The following DNTT variants were observed in gnomAD, a reference collection of about 807,000 sequenced individuals.
DNTT encodes nucleosidetriphosphate:DNA deoxynucleotidylexotransferase.
DNTT carries 47 observed loss-of-function variants against 60.9 expected under a neutral mutation model. That is an observed-to-expected ratio of 0.77 (90% confidence interval 0.61 to 0.98). The LOEUF (loss-of-function observed/expected upper bound fraction) is 0.98, where lower values mean the gene tolerates loss of function less well. Ranked by LOEUF, DNTT falls within the 50% of genes least tolerant of loss-of-function variation. DNTT has a pLI of 0.00. For missense variants in DNTT, 665 were observed against 627.5 expected, an observed-to-expected ratio of 1.06 and a Z score of -0.64; for synonymous variants, 224 against 221.2, an observed-to-expected ratio of 1.01 and a Z score of -0.11.
chr10:96,331,557 C>A (rs147882884), intron 8 of DNTT, among the ~76,000 whole-genome samples: 1 of 152,024 alleles, frequency 6.6e-6, no homozygotes, highest in East Asian at 1.9e-4. Context: ...CCAGCTTTCA[C>A]GGGAGCTAAC....
At chr10:96,326,071 C>A (rs985314965) in intron 6 of DNTT, among the ~76,000 whole-genome samples, 1 of 152,184 alleles carries the variant, frequency 6.6e-6, no homozygotes, top group Non-Finnish European at 1.5e-5. Context: ...AACAAATCAT[C>A]ATAGTCTTAC....
chr10:96,329,737 CAGA>C (rs1454798449), intron 8 of DNTT, among the ~76,000 whole-genome samples: 2 of 152,178 alleles, frequency 1.3e-5, no homozygotes, highest in East Asian at 3.8e-4. Flanking sequence ...CGAGTCTTCC[CAGA>C]AGGAGTTGGA....
rs1257167657 is a variant in DNTT at position 96,304,720 on chromosome 10, G to C, written c.203+20G>C. The C allele has an allele frequency of 4.4e-6, 7 of 1,609,014 alleles. No homozygotes were observed. The Admixed American group carries it at 5.0e-5, about 12-fold the overall frequency. Reference sequence around the variant, plus strand: ...GCTCAGGTAGGACAGCATCGATCTTGCTTTGTAAATAAGCAGAGGCTTTGT... The same window carrying C: ...GCTCAGGTAGGACAGCATCGATCTTCCTTTGTAAATAAGCAGAGGCTTTGT... On this transcript the variant is annotated intron_variant, in intron 1 of 10. Transcript: ENST00000371174.
chr10:96,307,423 C>T (rs1844652899), intron 1 of DNTT, among the ~76,000 whole-genome samples: 1 of 138,068 alleles, frequency 7.2e-6, no homozygotes, highest in African/African-American at 2.7e-5. Flanking sequence ...GGCACGATCT[C>T]GGCTCACTGC....
At chr10:96,317,042 A>G (rs1844794964) in intron 1 of DNTT, among the ~76,000 whole-genome samples, 1 of 152,176 alleles carries the variant, frequency 6.6e-6, no homozygotes, top group African/African-American at 2.4e-5. Context: ...AAATATTGCT[A>G]TGTTTTCTCT....
intron 9 of DNTT, 35 bp downstream of exon 9, chr10:96,332,631 C>T (rs1355641515): frequency 1.2e-6 from 2 of 1,603,742 alleles, no homozygotes; most frequent in Admixed American, 1.7e-5. Context: ...ATGATGTTAG[C>T]TTTCTGAAAG....
chr10:96,306,279 A>T (rs1303305388), intron 1 of DNTT, among the ~76,000 whole-genome samples: 1 of 152,046 alleles, frequency 6.6e-6, no homozygotes, highest in African/African-American at 2.4e-5. Flanking sequence ...TTTTTAGTAG[A>T]GACGGGGTTT....
chr10:96,307,078 T>C (rs961154497), intron 1 of DNTT, among the ~76,000 whole-genome samples: 5 of 152,208 alleles, frequency 3.3e-5, no homozygotes, highest in African/African-American at 7.2e-5. Flanking sequence ...CCAAATGAGA[T>C]AATGCATGTC....
intron 9 of DNTT, 61 bp downstream of exon 9, chr10:96,332,657 A>G: frequency 6.3e-7 from 1 of 1,582,958 alleles, no homozygotes; most frequent in Non-Finnish European, 8.6e-7. Flanking sequence ...GGCCGAGTCT[A>G]CCTGGGCCCA....
At position 96,307,348 on chromosome 10, in the gene DNTT, T is replaced by G. The variant is rs1427730148; in HGVS notation, c.203+2648T>G. On this transcript the variant is annotated intron_variant, in intron 1 of 10. Transcript: ENST00000371174. ...TTTATTTTCTGGGTTTTCCAGTTTTTTTTTTTTTTTTTTTTTTTTTTTTTT... is the reference window on the plus strand; with the variant it reads ...TTTATTTTCTGGGTTTTCCAGTTTTGTTTTTTTTTTTTTTTTTTTTTTTTT... Among the ~76,000 whole-genome samples the G allele has an allele frequency of 6.0e-3, 58 of 9,630 alleles. 1 individual carries two copies. The highest frequency in any genetic ancestry group is 0.02 in the African/African-American group (49 of 2,392). The allele number at this position is 9,630 out of a possible 152,430, so 6.3% of individuals were successfully genotyped here. A position where few individuals can be genotyped will look rare whatever the true frequency, so the allele number is the denominator to read the frequency against.
At chr10:96,323,224 G>A (rs538107961) in intron 5 of DNTT, among the ~76,000 whole-genome samples, 69 of 152,280 alleles carry the variant, frequency 4.5e-4, no homozygotes, top group African/African-American at 1.6e-3. Context: ...ACTTGAGTCT[G>A]GGAGGCAGAG....
intron 6 of DNTT, among the ~76,000 whole-genome samples, chr10:96,324,645 G>C (rs1477825451): frequency 6.6e-6 from 1 of 152,218 alleles, no homozygotes; most frequent in Non-Finnish European, 1.5e-5. Flanking sequence ...AAGTCAATCA[G>C]ATAATGCAGG....
chr10:96,338,093 T>C (rs1332016414), intron 10 of DNTT, 45 bp from the exon 11 acceptor site: 1 of 1,560,124 alleles, frequency 6.4e-7, no homozygotes, highest in African/African-American at 1.4e-5. Context: ...ACCATGGTGC[T>C]TATGAAAAAT....
chr10:96,327,727 C>T, intron 7 of DNTT, 127 bp downstream of exon 7: 1 of 1,416,268 alleles, frequency 7.1e-7, no homozygotes, highest in South Asian at 1.4e-5. Flanking sequence ...GCTTTATCTC[C>T]TGCCTCTCAC....
chr10:96,307,705 G>GTATATATATATATATATATATATATA (rs1203030676), intron 1 of DNTT, among the ~76,000 whole-genome samples: 1 of 52,882 alleles, frequency 1.9e-5, no homozygotes, highest in African/African-American at 6.6e-5. Flanking sequence ...GTGTGTGTGT[G>GTATATATATATATATATATATATATA]TATATATATA....
At chr10:96,325,245 T>C (rs984414537) in intron 6 of DNTT, among the ~76,000 whole-genome samples, 9 of 152,222 alleles carry the variant, frequency 5.9e-5, no homozygotes, top group African/African-American at 2.2e-4. Flanking sequence ...TTTTGTAAAG[T>C]TGCTAATCTT....
At chr10:96,331,979 T>C (rs773948827) in intron 8 of DNTT, among the ~76,000 whole-genome samples, 6 of 152,170 alleles carry the variant, frequency 3.9e-5, no homozygotes, top group Non-Finnish European at 8.8e-5. Flanking sequence ...GGTCTTATTA[T>C]GTCACCCAGG....
At position 96,314,619 on chromosome 10, in the gene DNTT, A is replaced by G. The variant is rs556621123; in HGVS notation, c.204-3733A>G. Among the ~76,000 whole-genome samples the G allele has an allele frequency of 4.0e-4, 60 of 149,966 alleles. No homozygotes were observed. The South Asian group carries it at 9.6e-3, about 24-fold the overall frequency. On this transcript the variant is annotated intron_variant, in intron 1 of 10. Coordinates refer to ENST00000371174, the MANE Select transcript of DNTT (RefSeq NM_004088.4). ...AGTAGAGACAGGGTTTCACCGTGTT[A>G]GCCAGGATGGTCTTGATCTCCTGAC...
chr10:96,329,811 G>A (rs1809407055), intron 8 of DNTT, among the ~76,000 whole-genome samples: 1 of 152,160 alleles, frequency 6.6e-6, no homozygotes, highest in Admixed American at 6.5e-5. Context: ...ACTCAGCCTT[G>A]CAACCCTCCT....
Sources: allele counts gnomAD v4.1 joint callset (sites outside exome capture counted in the v4.1 genomes callset), GRCh38; gene constraint gnomAD v4.1.1; transcripts MANE v1.5; gene names NCBI Gene and HGNC (gene_info 2026-07-23, HGNC 2026-07-21).